Variants in GRIN2A observed in about 807,000 individuals in gnomAD.
GRIN2A encodes the protein glutamate receptor ionotropic, NMDA 2A.
GRIN2A carries 22 observed loss-of-function variants against 113.4 expected under a neutral mutation model. That is an observed-to-expected ratio of 0.19 (90% CI 0.14 to 0.28). The LOEUF is 0.28. GRIN2A is among the 10% of genes least tolerant of loss of function. GRIN2A has a pLI of 1.00. For missense variants in GRIN2A, 1,502 were observed against 1,887.0 expected (o/e 0.80, Z 3.78); for synonymous variants, 827 against 738.4 (o/e 1.12, Z -1.94).
At chr16:9,938,676 T>G in intron 2 of GRIN2A, 125 bp from the exon 3 acceptor site, 1 of 722,972 alleles carries the variant, frequency 1.4e-6, no homozygotes, top group African/African-American at 1.7e-5. Flanking sequence ...TTCCTGAGCA[T>G]CTACTATATC....
At chr16:9,785,743 G>A (rs1902197336) in intron 11 of GRIN2A, among the ~76,000 whole-genome samples, 1 of 152,124 alleles carries the variant, frequency 6.6e-6, no homozygotes, top group Non-Finnish European at 1.5e-5. Context: ...CCCTTAATGT[G>A]TATTAGAATC....
chr16:9,853,910 T>C (rs2042925018), intron 4 of GRIN2A, among the ~76,000 whole-genome samples: 1 of 152,226 alleles, frequency 6.6e-6, no homozygotes, highest in Non-Finnish European at 1.5e-5. Flanking sequence ...CATAAATCCT[T>C]AATTTGATTT....
chr16:10,040,877 G>A (rs1431723217), intron 2 of GRIN2A, among the ~76,000 whole-genome samples: 2 of 152,238 alleles, frequency 1.3e-5, no homozygotes, highest in East Asian at 1.9e-4. Context: ...ATGAGCCGTC[G>A]TATCTATGCT....
rs569198230 is a variant in GRIN2A at position 9,992,403 on chromosome 16, C to T, written c.415-53852G>A. 2.0e-5 allele frequency among the ~76,000 whole-genome samples: 3 copies of T among 152,298 alleles called. No individual in the cohort carries two copies. In the East Asian group the frequency reaches 5.8e-4, roughly 29 times the overall value. The stretch of plus-strand genomic sequence containing the variant: ...ATTCTATTTGCTCAGCAGAAAAGGC[C>T]AACTTCACTCTCAGCCAGTTGTTCA... On this transcript the variant is annotated intron_variant, in intron 2 of 12. Transcript: ENST00000330684.
intron 2 of GRIN2A, among the ~76,000 whole-genome samples, chr16:10,133,905 G>A (rs148003370): frequency 2.3e-3 from 345 of 152,206 alleles, no homozygotes; most frequent in Non-Finnish European, 3.9e-3. Flanking sequence ...TAGGCAGTCC[G>A]GATGCAGTGG....
At chr16:9,954,055 C>G (rs548641853) in intron 2 of GRIN2A, among the ~76,000 whole-genome samples, 1 of 152,240 alleles carries the variant, frequency 6.6e-6, no homozygotes, top group East Asian at 1.9e-4. Flanking sequence ...TCTTTTTTCC[C>G]CATTCCCCAA....
intron 7 of GRIN2A, among the ~76,000 whole-genome samples, chr16:9,837,050 T>C (rs1198968302): frequency 3.9e-5 from 6 of 152,190 alleles, no homozygotes; most frequent in African/African-American, 1.4e-4. Context: ...TAATGGAGTT[T>C]GTGGAGGAGA....
intron 3 of GRIN2A, among the ~76,000 whole-genome samples, chr16:9,926,802 T>A (rs964597410): frequency 2.0e-5 from 3 of 152,170 alleles, no homozygotes; most frequent in Admixed American, 1.3e-4. Context: ...CAGGTCAGGA[T>A]ATGGGATTAT....
At chr16:9,967,322 G>A (rs1225112566) in intron 2 of GRIN2A, among the ~76,000 whole-genome samples, 1 of 152,160 alleles carries the variant, frequency 6.6e-6, no homozygotes, top group Non-Finnish European at 1.5e-5. Flanking sequence ...GCCATTATTC[G>A]AAGCGAAGTA....
chr16:9,979,818 T>TATATATATATATATATATATATAC (rs1567213718), intron 2 of GRIN2A, among the ~76,000 whole-genome samples: 1 of 134,340 alleles, frequency 7.4e-6, no homozygotes, highest in Non-Finnish European at 1.6e-5. Context: ...TATATGTATA[T>TATATATATATATATATATATATAC]GTATGTATTT....
chr16:10,105,200 A>G (rs1025410237), intron 2 of GRIN2A, among the ~76,000 whole-genome samples: 2 of 152,130 alleles, frequency 1.3e-5, no homozygotes, highest in Admixed American at 6.5e-5. Flanking sequence ...CCTGACAAAA[A>G]GCCTAAGGAT....
chr16:10,065,223 A>C (rs1180164892), intron 2 of GRIN2A, among the ~76,000 whole-genome samples: 1 of 152,206 alleles, frequency 6.6e-6, no homozygotes, highest in East Asian at 1.9e-4. Flanking sequence ...TCATTAAATG[A>C]TTAACTGTCA....
chr16:10,082,228 G>A (rs2047999346), intron 2 of GRIN2A, among the ~76,000 whole-genome samples: 1 of 152,332 alleles, frequency 6.6e-6, no homozygotes, highest in Non-Finnish European at 1.5e-5. Flanking sequence ...TGTTCCAAAA[G>A]TGGTAGTCTT....
At chr16:10,167,013 G>A (rs1351449524) in intron 2 of GRIN2A, among the ~76,000 whole-genome samples, 1 of 152,142 alleles carries the variant, frequency 6.6e-6, no homozygotes, top group Admixed American at 6.5e-5. Context: ...TTATTGGTAA[G>A]GCTTCTGATC....
At chr16:10,136,749 G>T (rs1070480) in intron 2 of GRIN2A, among the ~76,000 whole-genome samples, 4 of 152,300 alleles carry the variant, frequency 2.6e-5, no homozygotes, top group Admixed American at 2.0e-4. Flanking sequence ...TACCATTTAT[G>T]GGGGAACTGA....
chr16:9,949,111 G>T (rs76739815), intron 2 of GRIN2A, among the ~76,000 whole-genome samples: 1 of 152,162 alleles, frequency 6.6e-6, no homozygotes, highest in Admixed American at 6.5e-5. Flanking sequence ...CACCTCCACG[G>T]TGCTCCCAGA....
intron 2 of GRIN2A, among the ~76,000 whole-genome samples, chr16:10,013,752 T>G (rs2046553098): frequency 6.6e-6 from 1 of 152,228 alleles, no homozygotes; most frequent in South Asian, 2.1e-4. Context: ...TAAACTCTCC[T>G]TAAAATTATT....
At chr16:10,110,402 G>T (rs2048590184) in intron 2 of GRIN2A, among the ~76,000 whole-genome samples, 1 of 152,210 alleles carries the variant, frequency 6.6e-6, no homozygotes, top group African/African-American at 2.4e-5. Flanking sequence ...CTATTACATG[G>T]TTTTTACCTG....
chr16:9,969,611 T>C (rs1217786793), intron 2 of GRIN2A, among the ~76,000 whole-genome samples: 1 of 152,116 alleles, frequency 6.6e-6, no homozygotes, highest in East Asian at 1.9e-4. Flanking sequence ...CCAAACTTAC[T>C]CAGTGATACC....
Sources: allele counts gnomAD v4.1 joint callset (sites outside exome capture counted in the v4.1 genomes callset), GRCh38; gene constraint gnomAD v4.1.1; transcripts MANE v1.5; gene names NCBI Gene and HGNC (gene_info 2026-07-23, HGNC 2026-07-21).